The following HEG1 variants were observed in gnomAD, a reference collection of about 807,000 sequenced individuals.
HEG1 encodes protein HEG homolog 1.
Under a neutral mutation model 125.6 loss-of-function variants are expected in HEG1, and 56 were observed. The observed-to-expected ratio is 0.45, with a 90% CI of 0.36 to 0.56. HEG1 has a LOEUF of 0.56. Ranked by LOEUF, HEG1 falls within the 20% of genes least tolerant of loss-of-function variation. The probability of loss-of-function intolerance (pLI) is 0.00; values close to 1 mark genes in which losing one functional copy is unlikely to be tolerated. For synonymous variants in HEG1, 644 were observed against 668.5 expected (o/e 0.96, Z 0.57); for missense variants, 1,523 against 1,670.0 (o/e 0.91, Z 1.53).
chr3:125,002,103 T>A (rs1435863877), intron 10 of HEG1, 91 bp from the exon 11 acceptor site: 5 of 1,542,586 alleles, frequency 3.2e-6, no homozygotes, highest in Non-Finnish European at 3.6e-6. Flanking sequence ...CATTCACCAG[T>A]GACGGGATGG....
intron 12 of HEG1, among the ~76,000 whole-genome samples, chr3:124,993,492 G>A (rs937567576): frequency 5.9e-5 from 9 of 152,102 alleles, no homozygotes; most frequent in Admixed American, 1.3e-4. Flanking sequence ...TCCCATGTCT[G>A]GTGGCCCTCC....
intron 12 of HEG1, among the ~76,000 whole-genome samples, chr3:124,991,463 C>T (rs1228280848): frequency 2.0e-5 from 3 of 151,948 alleles, no homozygotes; most frequent in Non-Finnish European, 2.9e-5. Flanking sequence ...AAATCTTAAC[C>T]TTATCAAAAA....
intron 14 of HEG1, among the ~76,000 whole-genome samples, chr3:124,984,820 A>G (rs1320121970): frequency 2.0e-5 from 3 of 152,116 alleles, no homozygotes; most frequent in Non-Finnish European, 4.4e-5. Context: ...CAAAAAACAG[A>G]AGAATGGCTT....
intron 1 of HEG1, among the ~76,000 whole-genome samples, chr3:125,054,717 A>G (rs1170932178): frequency 1.3e-5 from 2 of 152,170 alleles, no homozygotes; most frequent in Non-Finnish European, 1.5e-5. Context: ...TTTTACTTTC[A>G]TTTTGTCACA....
At chr3:124,970,924 G>A in intron 16 of HEG1, 123 bp from the exon 17 acceptor site, 1 of 812,202 alleles carries the variant, frequency 1.2e-6, no homozygotes, top group Non-Finnish European at 1.9e-6. Flanking sequence ...GTATGATGTG[G>A]TTCTACCAAT....
rs140764575 is a variant in HEG1 at position 124,981,945 on chromosome 3, C to T, written c.3734-3999G>A. ...TTTTTCTTTTTGAGACGGAGTCGCC[C>T]AGGCTGGAGTGCAGTGGCACGATCT... is the stretch of plus-strand genomic sequence containing the variant. On this transcript the variant is annotated intron_variant, in intron 14 of 16. Coordinates refer to ENST00000311127, the MANE Select transcript of HEG1 (RefSeq NM_020733.2). 1.7e-3 allele frequency among the ~76,000 whole-genome samples: 253 copies of T among 151,956 alleles called. 1 individual carries two copies. Among genetic ancestry groups the T allele is most frequent in the African/African-American group, 5.8e-3 (242 of 41,428 alleles).
intron 8 of HEG1, among the ~76,000 whole-genome samples, chr3:125,005,869 G>A (rs774750243): frequency 5.9e-5 from 9 of 152,136 alleles, no homozygotes; most frequent in Admixed American, 1.3e-4. Context: ...CACTTCAAGG[G>A]GGTGCTTCAG....
At chr3:124,993,243 C>A (rs1255791709) in intron 12 of HEG1, among the ~76,000 whole-genome samples, 1 of 152,222 alleles carries the variant, frequency 6.6e-6, no homozygotes, top group African/African-American at 2.4e-5. Context: ...CTGGCCTCAA[C>A]AAAACAGTCC....
intron 5 of HEG1, among the ~76,000 whole-genome samples, chr3:125,018,080 G>A (rs1243526693): frequency 2.0e-5 from 3 of 151,656 alleles, no homozygotes; most frequent in African/African-American, 7.3e-5. Context: ...ACTTGTACCT[G>A]AATGTTCACC....
intron 11 of HEG1, among the ~76,000 whole-genome samples, chr3:125,000,126 G>GT (rs1027131435): frequency 2.0e-5 from 3 of 152,182 alleles, no homozygotes; most frequent in African/African-American, 2.4e-5. Context: ...AAACAAGCCT[G>GT]TTTTTTTCAG....
At position 125,011,600 on chromosome 3, in the gene HEG1, G is replaced by GC. The variant is rs1937158015; in HGVS notation, c.2956+1022dup. Among the ~76,000 whole-genome samples the GC allele has an allele frequency of 2.0e-5, 3 of 152,304 alleles. No homozygotes were observed. In the South Asian group the frequency reaches 6.2e-4, roughly 32 times the overall value. On this transcript the variant is annotated intron_variant, in intron 6 of 16. Transcript: ENST00000311127. ...CAGCCACCTTTCATTTCCCAGAGGT[G>GC]CTCAGATCACTGATACAAAGGGGCA...
Position 125,055,924 on chromosome 3 carries a change from C to G in HEG1, c.-34G>C. On this transcript the variant is annotated 5_prime_UTR_variant, in exon 1 of 17. Coordinates refer to ENST00000311127, the MANE Select transcript of HEG1 (RefSeq NM_020733.2). ...CGCCCGCCCGCGCTCACATGCCCGG[C>G]GCGCGGGGCGAGGGCAGCGGGCAGC... 1.1e-6 allele frequency: 1 copy of G among 871,480 alleles called. No individual in the cohort carries two copies. 54.0% of individuals were successfully genotyped at this position (871,480 alleles called of 1,614,324 possible). A position where few individuals can be genotyped will look rare whatever the true frequency, so the allele number is the denominator to read the frequency against.
chr3:125,023,062 T>C (rs1383803354), intron 3 of HEG1, among the ~76,000 whole-genome samples: 1 of 151,986 alleles, frequency 6.6e-6, no homozygotes, highest in African/African-American at 2.4e-5. Context: ...GCTGTGGTGG[T>C]GGGTGCCTGT....
chr3:124,978,931 A>C (rs1404310816), intron 14 of HEG1, among the ~76,000 whole-genome samples: 2 of 151,836 alleles, frequency 1.3e-5, no homozygotes, highest in African/African-American at 2.4e-5. Context: ...TGGTGATAGT[A>C]GATATAAAAA....
At chr3:124,978,036 T>A in intron 14 of HEG1, 90 bp from the exon 15 acceptor site, 1 of 940,340 alleles carries the variant, frequency 1.1e-6, no homozygotes, top group Non-Finnish European at 1.6e-6. Context: ...GACTCTACAG[T>A]CACCACCCTG....
intron 1 of HEG1, among the ~76,000 whole-genome samples, chr3:125,045,126 T>C (rs1048021088): frequency 4.6e-5 from 7 of 152,200 alleles, no homozygotes; most frequent in African/African-American, 1.7e-4. Flanking sequence ...AGATGATGTG[T>C]TTGCATTTAT....
intron 1 of HEG1, among the ~76,000 whole-genome samples, chr3:125,046,085 A>G (rs1352571587): frequency 6.6e-6 from 1 of 152,100 alleles, no homozygotes; most frequent in Non-Finnish European, 1.5e-5. Context: ...CAGCTATCCA[A>G]TGCCACAGAG....
Position 124,966,812 on chromosome 3 carries a change from C to T in HEG1, c.*3840G>A, listed in dbSNP as rs144426060. On this transcript the variant is annotated 3_prime_UTR_variant, in exon 17 of 17. Transcript: ENST00000311127. ...GAGTTAAATCGGCTTACAGGACACCCGGGCATCTCACCAGGGGGCAACACA... is the reference window on the plus strand; with the variant it reads ...GAGTTAAATCGGCTTACAGGACACCTGGGCATCTCACCAGGGGGCAACACA... 9.8e-5 allele frequency: 15 copies of T among 152,328 alleles called. No individual in the cohort carries two copies. The South Asian group carries it at 1.0e-3, about 11-fold the overall frequency. The allele number at this position is 152,328 out of a possible 1,614,324, so 9.4% of individuals were successfully genotyped here.
intron 4 of HEG1, 66 bp downstream of exon 4, chr3:125,020,726 G>T: frequency 3.0e-6 from 4 of 1,334,800 alleles, no homozygotes; most frequent in Non-Finnish European, 3.1e-6. Flanking sequence ...TCTTGAAGAG[G>T]TCCCCTAAGA....
Sources: gnomAD v4.1 joint callset for allele counts (sites outside exome capture counted in the v4.1 genomes callset) on GRCh38, gnomAD v4.1.1 for gene constraint, MANE v1.5 for transcripts, NCBI Gene and HGNC (gene_info 2026-07-23, HGNC 2026-07-21) for gene names.